Variants in DCC observed in about 807,000 individuals in gnomAD.
The protein encoded by DCC is DCC netrin 1 receptor, also known as netrin receptor DCC.
A neutral mutation model predicts 172.5 loss-of-function variants in DCC; 58 were observed. The ratio of observed to expected loss-of-function variants is 0.34; its 90% CI spans 0.27 to 0.42. The LOEUF (loss-of-function observed/expected upper bound fraction) is 0.42. Ranked by LOEUF, DCC falls within the 10% of genes least tolerant of loss-of-function variation. The pLI is 1.00. For synonymous variants in DCC, 709 were observed against 644.5 expected (o/e 1.10, Z -1.52); for missense variants, 1,740 against 1,791.0 (o/e 0.97, Z 0.51).
chr18:52,506,034 T>C (rs1223619925), intron 1 of DCC, among the ~76,000 whole-genome samples: 1 of 152,180 alleles, frequency 6.6e-6, no homozygotes, highest in Non-Finnish European at 1.5e-5. Flanking sequence ...AAGAAAAGTG[T>C]GAATTTATTA....
At chr18:53,159,443 C>G (rs145995388) in intron 8 of DCC, among the ~76,000 whole-genome samples, 3 of 152,254 alleles carry the variant, frequency 2.0e-5, no homozygotes, top group African/African-American at 7.2e-5. Flanking sequence ...CTATTATTTT[C>G]AACATCTTTA....
chr18:52,371,694 A>G (rs1237730308), intron 1 of DCC, among the ~76,000 whole-genome samples: 1 of 152,216 alleles, frequency 6.6e-6, no homozygotes, highest in East Asian at 1.9e-4. Context: ...TCATGGAATC[A>G]TGAAAAAATA....
Position 52,708,247 on chromosome 18 carries a change from C to G in DCC, c.92-43807C>G, listed in dbSNP as rs190957245. 9.9e-3 allele frequency among the ~76,000 whole-genome samples: 1,514 copies of G among 152,172 alleles called. 23 individuals carry two copies. The highest frequency in any genetic ancestry group is 0.011 in the Non-Finnish European group (765 of 68,018). On this transcript the variant is annotated intron_variant, in intron 1 of 28. Coordinates refer to ENST00000442544, the MANE Select transcript of DCC (RefSeq NM_005215.4). ...ACGAGGTCAGGAGATTGAGACCATCCTGGCTAACACAGTGAAACCCCGTCT... is the reference window on the plus strand; with the variant it reads ...ACGAGGTCAGGAGATTGAGACCATCGTGGCTAACACAGTGAAACCCCGTCT...
chr18:53,258,975 G>T lies in DCC; in HGVS notation c.1911+43378G>T, dbSNP rs913371519. On this transcript the variant is annotated intron_variant, in intron 12 of 28. Transcript: ENST00000442544. ...TTACCATTATGTAATGGCCTTCTGT[G>T]TCTCTTTTGATCTTTGTTGGTTTAA... 9.0e-4 allele frequency among the ~76,000 whole-genome samples: 137 copies of T among 152,214 alleles called. 1 individual carries two copies. Among genetic ancestry groups the T allele is most frequent in the African/African-American group, 2.8e-3 (116 of 41,532 alleles).
intron 1 of DCC, among the ~76,000 whole-genome samples, chr18:52,459,564 T>A (rs1988563530): frequency 6.6e-6 from 1 of 151,896 alleles, no homozygotes; most frequent in African/African-American, 2.4e-5. Context: ...GCCTCCCGGG[T>A]TCATGCCATT....
At chr18:53,337,442 A>G (rs941743082) in intron 14 of DCC, among the ~76,000 whole-genome samples, 9 of 152,240 alleles carry the variant, frequency 5.9e-5, no homozygotes. Context: ...GAAAACTATT[A>G]ATCCATCCTT....
chr18:53,495,389 C>CAA (rs71179511), intron 26 of DCC, among the ~76,000 whole-genome samples: 8,591 of 116,190 alleles, frequency 0.074, 919 homozygotes, highest in African/African-American at 0.24. Flanking sequence ...GACTCCATCT[C>CAA]AAAAAAAAAA....
intron 9 of DCC, among the ~76,000 whole-genome samples, chr18:53,204,281 C>T (rs1485889385): frequency 6.6e-6 from 1 of 152,114 alleles, no homozygotes; most frequent in Admixed American, 6.6e-5. Flanking sequence ...GTGTCTCACA[C>T]CTGTAATCCC....
intron 12 of DCC, among the ~76,000 whole-genome samples, chr18:53,249,048 C>G (rs2056398209): frequency 6.6e-6 from 1 of 151,960 alleles, no homozygotes; most frequent in Non-Finnish European, 1.5e-5. Flanking sequence ...GTATTCCTTT[C>G]ACATGAAAAA....
At chr18:53,482,158 C>G (rs943998939) in intron 25 of DCC, among the ~76,000 whole-genome samples, 3 of 152,006 alleles carry the variant, frequency 2.0e-5, no homozygotes, top group African/African-American at 7.2e-5. Context: ...ATGTTTTATC[C>G]AACTTACTTT....
At chr18:53,051,101 G>A (rs1417518520) in intron 5 of DCC, among the ~76,000 whole-genome samples, 2 of 152,068 alleles carry the variant, frequency 1.3e-5, no homozygotes, top group Non-Finnish European at 2.9e-5. Context: ...ATGGTGGCGT[G>A]CGCCTGTAAT....
At chr18:52,572,562 A>C (rs1480196107) in intron 1 of DCC, among the ~76,000 whole-genome samples, 1 of 152,188 alleles carries the variant, frequency 6.6e-6, no homozygotes, top group Non-Finnish European at 1.5e-5. Context: ...AGGCACCTGC[A>C]GTTGAGGGCC....
intron 15 of DCC, among the ~76,000 whole-genome samples, chr18:53,384,543 G>A (rs970157095): frequency 6.6e-6 from 1 of 151,084 alleles, no homozygotes; most frequent in African/African-American, 2.4e-5. Context: ...CTTTTGTTAT[G>A]TTTTTGCTTT....
At chr18:53,424,111 T>G (rs1166816247) in intron 21 of DCC, among the ~76,000 whole-genome samples, 2 of 152,194 alleles carry the variant, frequency 1.3e-5, no homozygotes, top group African/African-American at 4.8e-5. Context: ...CTGATGGTAG[T>G]TACATTTGTA....
intron 9 of DCC, among the ~76,000 whole-genome samples, chr18:53,202,653 G>A (rs918432554): frequency 1.3e-5 from 2 of 152,112 alleles, no homozygotes; most frequent in Non-Finnish European, 2.9e-5. Context: ...AGTTGTAAGT[G>A]GTAGAGTAGA....
At chr18:52,772,625 A>C (rs1213662016) in intron 2 of DCC, among the ~76,000 whole-genome samples, 2 of 152,224 alleles carry the variant, frequency 1.3e-5, no homozygotes, top group Non-Finnish European at 1.5e-5. Flanking sequence ...TAAAGAAATA[A>C]TAACTCAAAT....
chr18:52,943,680 G>C (rs2040497660), intron 5 of DCC, among the ~76,000 whole-genome samples: 1 of 152,064 alleles, frequency 6.6e-6, no homozygotes, highest in Non-Finnish European at 1.5e-5. Flanking sequence ...AAAAACTGTA[G>C]AGGATATTCT....
chr18:53,056,573 C>A (rs2042407306), intron 5 of DCC, among the ~76,000 whole-genome samples: 1 of 152,034 alleles, frequency 6.6e-6, no homozygotes, highest in Non-Finnish European at 1.5e-5. Context: ...TAGAGGTAGC[C>A]CAATTTGGCA....
chr18:52,366,359 G>A (rs1227140544), intron 1 of DCC, among the ~76,000 whole-genome samples: 3 of 152,156 alleles, frequency 2.0e-5, no homozygotes, highest in African/African-American at 7.2e-5. Flanking sequence ...GTGTGCAAGG[G>A]GACCCGAGCG....
Sources: allele counts gnomAD v4.1 joint callset (sites outside exome capture counted in the v4.1 genomes callset), GRCh38; gene constraint gnomAD v4.1.1; transcripts MANE v1.5; gene names NCBI Gene and HGNC (gene_info 2026-07-23, HGNC 2026-07-21).